The following SCYL2 variants were observed in gnomAD, a reference collection of about 807,000 sequenced individuals.
SCYL2 encodes the protein SCY1-like protein 2.
Under a neutral mutation model 100.4 loss-of-function variants are expected in SCYL2, and 36 were observed. The ratio of observed to expected loss-of-function variants is 0.36; its 90% CI spans 0.27 to 0.47. SCYL2 has a LOEUF of 0.47. Ranked by LOEUF, SCYL2 falls within the 20% of genes least tolerant of loss-of-function variation. The pLI, the probability that SCYL2 is intolerant of heterozygous loss-of-function variation, is 1.00. For missense variants in SCYL2, 902 were observed against 1,083.9 expected, an observed-to-expected ratio of 0.83 and a Z score of 2.36; for synonymous variants, 330 against 359.2, an observed-to-expected ratio of 0.92 and a Z score of 0.92.
chr12:100,296,066 A>G (rs904026575), intron 3 of SCYL2, among the ~76,000 whole-genome samples: 49 of 152,340 alleles, frequency 3.2e-4, no homozygotes, highest in African/African-American at 1.2e-3. Context: ...GAGAAGGACT[A>G]TCAGTTATAC....
chr12:100,323,624 A>G lies in SCYL2; in HGVS notation c.1495A>G (p.Thr499Ala). 2 of 1,579,054 alleles carry G rather than the reference A, an allele frequency of 1.3e-6. No homozygotes were observed. Among genetic ancestry groups the G allele is most frequent in the Non-Finnish European group, 1.7e-6 (2 of 1,154,722 alleles). Reference sequence around the variant, plus strand: ...AAGAATTAAAAATGCTTGTCTACAAACATCTTCCCTTGCGGTAAGTAATTG... The same window carrying G: ...AAGAATTAAAAATGCTTGTCTACAAGCATCTTCCCTTGCGGTAAGTAATTG... ...IPRIKNACLQ[T>A]SSLAVRVNSL... Residue 499 changes from threonine to alanine, a missense_variant, in exon 11 of 18, where the codon ACA becomes GCA. Coordinates refer to ENST00000360820, the MANE Select transcript of SCYL2 (RefSeq NM_017988.6).
At chr12:100,284,895 GC>G (rs1315036612) in intron 2 of SCYL2, among the ~76,000 whole-genome samples, 7 of 152,148 alleles carry the variant, frequency 4.6e-5, no homozygotes, top group African/African-American at 1.7e-4. Context: ...GTGTCGGCCA[GC>G]CATGGTGGCT....
rs1470982211 is a variant in SCYL2, at chr12:100,296,836, C to G, written c.336-1195C>G. The G allele has an allele frequency of 2.0e-5, 3 of 152,186 alleles. No individual in the cohort carries two copies. In the East Asian group the frequency reaches 5.8e-4, roughly 29 times the overall value. 9.4% of individuals were successfully genotyped at this position (152,186 alleles called of 1,614,324 possible). A position where few individuals can be genotyped will look rare whatever the true frequency, so the allele number is the denominator to read the frequency against. On this transcript the variant is annotated intron_variant, in intron 3 of 17. Coordinates refer to ENST00000360820, the MANE Select transcript of SCYL2 (RefSeq NM_017988.6). The stretch of plus-strand genomic sequence containing the variant: ...GTGTTGGGAGTACAGAACAAGGCAG[C>G]TTCCTTGATGATGGCTGAGCAGGCA...
chr12:100,270,762 A>G (rs2096286777), intron 1 of SCYL2, among the ~76,000 whole-genome samples: 1 of 152,012 alleles, frequency 6.6e-6, no homozygotes, highest in African/African-American at 2.4e-5. Flanking sequence ...GGCATGAGCC[A>G]CTGGCCTCAT....
chr12:100,277,630 T>C (rs1031148864), intron 1 of SCYL2, among the ~76,000 whole-genome samples: 2 of 152,216 alleles, frequency 1.3e-5, no homozygotes, highest in African/African-American at 4.8e-5. Context: ...AGCATATAGT[T>C]AGGTCTTGCT....
intron 9 of SCYL2, among the ~76,000 whole-genome samples, chr12:100,316,577 A>G (rs1419019705): frequency 6.6e-6 from 1 of 152,238 alleles, no homozygotes; most frequent in Non-Finnish European, 1.5e-5. Flanking sequence ...GGAGGGGAAC[A>G]GAAGGAAGTA....
intron 10 of SCYL2, among the ~76,000 whole-genome samples, chr12:100,319,749 A>G (rs1475608612): frequency 6.6e-6 from 1 of 152,110 alleles, no homozygotes; most frequent in Non-Finnish European, 1.5e-5. Flanking sequence ...GGAAACCAGC[A>G]TTTCTGGTAT....
intron 4 of SCYL2, 151 bp from the exon 5 acceptor site, chr12:100,310,893 T>C (rs1014731370): frequency 1.5e-6 from 1 of 649,462 alleles, no homozygotes; most frequent in Admixed American, 3.8e-5. Flanking sequence ...TACATCTGTG[T>C]ATACTTTGGT....
At chr12:100,295,504 A>C (rs1367817217) in intron 3 of SCYL2, among the ~76,000 whole-genome samples, 23 of 149,838 alleles carry the variant, frequency 1.5e-4, no homozygotes, top group South Asian at 1.1e-3. Flanking sequence ...GAGACCGGCC[A>C]GGCCAACACA....
intron 3 of SCYL2, among the ~76,000 whole-genome samples, chr12:100,293,477 T>A (rs947543156): frequency 6.6e-6 from 1 of 152,202 alleles, no homozygotes; most frequent in Non-Finnish European, 1.5e-5. Flanking sequence ...TGTCACCTAT[T>A]AGAATCCTAC....
chr12:100,332,564 C>A (rs1328876699), intron 13 of SCYL2, among the ~76,000 whole-genome samples: 15 of 152,026 alleles, frequency 9.9e-5, no homozygotes, highest in Non-Finnish European at 1.6e-4. Flanking sequence ...GCTGAATGAT[C>A]CATTTATATA....
chr12:100,323,609 A>C lies in SCYL2; in HGVS notation c.1480A>C (p.Asn494His). ...MKNALIPRIK[N>H]ACLQTSSLAV... ...AAACGCTTTGATACCAAGAATTAAA[A>C]ATGCTTGTCTACAAACATCTTCCCT... The change falls in exon 11 of 18, where the codon AAT becomes CAT. Residue 494 changes from asparagine (N) to histidine (H), a missense_variant. Transcript: ENST00000360820. 1 of 1,599,162 alleles carries C rather than the reference A, an allele frequency of 6.3e-7. No homozygotes were observed. Among genetic ancestry groups the C allele is most frequent in the Non-Finnish European group, 8.5e-7 (1 of 1,171,230 alleles).
At chr12:100,316,104 A>G (rs1235277299) in intron 9 of SCYL2, among the ~76,000 whole-genome samples, 5 of 152,112 alleles carry the variant, frequency 3.3e-5, no homozygotes. Flanking sequence ...ATTTTTGATT[A>G]TTTTGTTATT....
Position 100,329,254 on chromosome 12 carries a change from C to T in SCYL2, c.1696C>T (p.Leu566=). Reference sequence around the variant, plus strand: ...GAAGTTGGGAATCACCAAAGAGCAGCTGGCCGGAAAAGTGTTGCCTCATCT... The same window carrying T: ...GAAGTTGGGAATCACCAAAGAGCAGTTGGCCGGAAAAGTGTTGCCTCATCT... The part of the protein sequence containing the change: ...HKKLGITKEQ[L]AGKVLPHLIP... Residue 566 remains leucine, a synonymous_variant, in exon 13 of 18, where the codon CTG becomes TTG. Transcript: ENST00000360820. 6.2e-7 allele frequency: 1 copy of T among 1,610,066 alleles called. No homozygotes were observed.
At chr12:100,277,919 A>G (rs893560528) in intron 1 of SCYL2, among the ~76,000 whole-genome samples, 4 of 152,032 alleles carry the variant, frequency 2.6e-5, no homozygotes, top group African/African-American at 9.7e-5. Flanking sequence ...GGTCTACAGT[A>G]TATATCTTTT....
chr12:100,306,242 C>G (rs1343477350), intron 4 of SCYL2, among the ~76,000 whole-genome samples: 1 of 152,128 alleles, frequency 6.6e-6, no homozygotes, highest in Non-Finnish European at 1.5e-5. Context: ...AACACTGATG[C>G]AAAAATCCTC....
chr12:100,281,702 C>T (rs961632834), intron 1 of SCYL2, among the ~76,000 whole-genome samples: 11 of 151,892 alleles, frequency 7.2e-5, no homozygotes, highest in African/African-American at 1.7e-4. Context: ...GGCGTGGTAG[C>T]GGGCGCCTGT....
intron 10 of SCYL2, among the ~76,000 whole-genome samples, chr12:100,320,590 A>AAATAAATAAATAAAT (rs1175995221): frequency 2.7e-5 from 4 of 148,842 alleles, no homozygotes; most frequent in Non-Finnish European, 3.0e-5. Context: ...ATAAATAAAT[A>AAATAAATAAATAAAT]AATAAAGTTC....
intron 4 of SCYL2, among the ~76,000 whole-genome samples, chr12:100,306,846 A>G (rs897171913): frequency 1.3e-5 from 2 of 151,754 alleles, no homozygotes; most frequent in Non-Finnish European, 2.9e-5. Context: ...CCTATGCAGC[A>G]ATAACAGACA....
Sources: allele counts gnomAD v4.1 joint callset (sites outside exome capture counted in the v4.1 genomes callset), GRCh38; gene constraint gnomAD v4.1.1; transcripts MANE v1.5; gene names NCBI Gene and HGNC (gene_info 2026-07-23, HGNC 2026-07-21).